The following ITGA1 variants were observed in gnomAD, a reference collection of about 807,000 sequenced individuals.
ITGA1 encodes integrin alpha-1.
Under a neutral mutation model 145.9 loss-of-function variants are expected in ITGA1, and 85 were observed. The ratio of observed to expected loss-of-function variants is 0.58; its 90% CI spans 0.49 to 0.70. The LOEUF (loss-of-function observed/expected upper bound fraction) is 0.70, where lower values mean the gene tolerates loss of function less well. Ranked by LOEUF, ITGA1 falls within the 30% of genes least tolerant of loss-of-function variation. The probability of loss-of-function intolerance (pLI) is 0.00; values close to 1 mark genes in which losing one functional copy is unlikely to be tolerated. For synonymous variants in ITGA1, 520 were observed against 495.3 expected (o/e 1.05, Z -0.66); for missense variants, 1,351 against 1,418.7 (o/e 0.95, Z 0.77).
At chr5:52,911,523 A>ATAGTAGATACACTATATATAGTATATG (rs1561246262) in intron 14 of ITGA1, among the ~76,000 whole-genome samples, 2 of 98,208 alleles carry the variant, frequency 2.0e-5, no homozygotes, top group Non-Finnish European at 4.0e-5. Flanking sequence ...TATAGTATAT[A>ATAGTAGATACACTATATATAGTATATG]TATCTATATA....
intron 26 of ITGA1, among the ~76,000 whole-genome samples, chr5:52,943,859 AC>A: frequency 6.6e-6 from 1 of 152,130 alleles, no homozygotes; most frequent in South Asian, 2.1e-4. Flanking sequence ...TCTCCAGGAC[AC>A]CCCGCAGCTC....
intron 2 of ITGA1, among the ~76,000 whole-genome samples, chr5:52,851,404 C>T (rs367904402): frequency 7.2e-5 from 11 of 152,128 alleles, no homozygotes; most frequent in Admixed American, 5.2e-4. Context: ...GAGATTTCCA[C>T]CCTCTAAATT....
At chr5:52,885,848 A>G (rs1750037881) in intron 7 of ITGA1, among the ~76,000 whole-genome samples, 1 of 152,188 alleles carries the variant, frequency 6.6e-6, no homozygotes, top group Non-Finnish European at 1.5e-5. Flanking sequence ...AGTTAGTTGC[A>G]GTTTCTAATT....
At chr5:52,876,422 C>T (rs1423071299) in intron 6 of ITGA1, among the ~76,000 whole-genome samples, 1 of 152,156 alleles carries the variant, frequency 6.6e-6, no homozygotes, top group East Asian at 1.9e-4. Context: ...AGACTCACAG[C>T]ACACCTTACT....
At chr5:52,940,568 C>T (rs951537518) in intron 26 of ITGA1, among the ~76,000 whole-genome samples, 2 of 151,896 alleles carry the variant, frequency 1.3e-5, no homozygotes, top group East Asian at 1.9e-4. Flanking sequence ...ACCACCACGC[C>T]CGGCTAATTT....
chr5:52,801,666 G>A, intron 1 of ITGA1: 1 of 1,614,160 alleles, frequency 6.2e-7, no homozygotes, highest in Non-Finnish European at 8.5e-7. Flanking sequence ...CACGGAGCCG[G>A]TATGTGAGGC....
chr5:52,801,723 T>C, intron 1 of ITGA1: 2 of 1,612,684 alleles, frequency 1.2e-6, no homozygotes, highest in Non-Finnish European at 1.7e-6. Flanking sequence ...GGATATTCTC[T>C]AGTCTTCACG....
intron 6 of ITGA1, among the ~76,000 whole-genome samples, chr5:52,874,441 A>G (rs1749834188): frequency 7.2e-6 from 1 of 138,804 alleles, no homozygotes; most frequent in African/African-American, 2.6e-5. Context: ...TAGCAGAAAC[A>G]TAGCTACTTT....
In ITGA1 at chr5:52,918,843, T is replaced by C; in HGVS notation, c.2100T>C (p.Ala700=). 1 of 1,611,268 alleles carries C rather than the reference T, an allele frequency of 6.2e-7. No individual in the cohort carries two copies. The highest frequency in any genetic ancestry group is 1.3e-5 in the African/African-American group (1 of 74,948). The change falls in exon 16 of 29, where the codon GCT becomes GCC. Residue 700 remains alanine, a synonymous_variant. Transcript: ENST00000282588. ...GAAAGGAAACAGTATGCATAAATGC[T>C]ACAGTGTGTTTTGATGTGAAATTAA... is the stretch of plus-strand genomic sequence containing the variant. ...MEGKETVCIN[A]TVCFDVKLKS...
intron 1 of ITGA1, among the ~76,000 whole-genome samples, chr5:52,819,354 T>A (rs1396200526): frequency 6.6e-6 from 1 of 152,214 alleles, no homozygotes; most frequent in Non-Finnish European, 1.5e-5. Flanking sequence ...TGGTGTCAGA[T>A]GGTATCTCAT....
At position 52,881,886 on chromosome 5, in the gene ITGA1, A is replaced by G. The variant is rs1749966015; in HGVS notation, c.638A>G (p.Gln213Arg). The stretch of plus-strand genomic sequence containing the variant: ...TTGGTATTTCAGGTTGGAATTGTAC[A>G]GTATGGAGAAAACGTGACCCATGAG... ...GPKQTQVGIV[Q>R]YGENVTHEFN... Residue 213 changes from glutamine to arginine, a missense_variant, in exon 7 of 29, where the codon CAG becomes CGG. Coordinates refer to ENST00000282588, the MANE Select transcript of ITGA1 (RefSeq NM_181501.2). The G allele has an allele frequency of 1.9e-6, 3 of 1,612,898 alleles. No homozygotes were observed. The highest frequency in any genetic ancestry group is 2.5e-6 in the Non-Finnish European group (3 of 1,179,546).
rs73102267 is a variant in ITGA1 at position 52,850,511 on chromosome 5, G to T, written c.182+1026G>T. ...TAGTAGCTGTAATAATAAGCAAAAA[G>T]AGATTTATATCTACTTGGATAATAA... On this transcript the variant is annotated intron_variant, in intron 2 of 28. Transcript: ENST00000282588. Among the ~76,000 whole-genome samples the T allele has an allele frequency of 6.1e-3, 921 of 152,158 alleles. 4 individuals carry two copies. Among genetic ancestry groups the T allele is most frequent in the African/African-American group, 0.021 (861 of 41,514 alleles).
chr5:52,866,961 T>C (rs986568360), intron 6 of ITGA1: 1 of 151,300 alleles, frequency 6.6e-6, no homozygotes, highest in Non-Finnish European at 1.5e-5. Flanking sequence ...TTGGAGGCTG[T>C]AGAGAGCATA....
At chr5:52,892,820 TG>T (rs1438064046) in intron 8 of ITGA1, among the ~76,000 whole-genome samples, 2 of 151,808 alleles carry the variant, frequency 1.3e-5, no homozygotes, top group African/African-American at 4.8e-5. Context: ...TATCGGTGGT[TG>T]CCAGGGTTGA....
chr5:52,821,203 A>G (rs1472422827), intron 1 of ITGA1, among the ~76,000 whole-genome samples: 2 of 152,202 alleles, frequency 1.3e-5, no homozygotes, highest in Admixed American at 1.3e-4. Flanking sequence ...ATTCAATAGC[A>G]TTAAGATTAA....
intron 26 of ITGA1, among the ~76,000 whole-genome samples, chr5:52,943,443 GTGT>G (rs938838461): frequency 3.9e-5 from 6 of 152,168 alleles, no homozygotes; most frequent in Non-Finnish European, 7.3e-5. Context: ...GTAATTTTTG[GTGT>G]TGTTGTTTGA....
intron 6 of ITGA1, among the ~76,000 whole-genome samples, chr5:52,878,854 T>C (rs1749910168): frequency 6.6e-6 from 1 of 151,280 alleles, no homozygotes; most frequent in African/African-American, 2.4e-5. Flanking sequence ...TTAACCCGAG[T>C]TGGAAGTTAG....
intron 3 of ITGA1, 42 bp downstream of exon 3, chr5:52,861,601 T>C (rs1250180888): frequency 8.6e-7 from 1 of 1,162,526 alleles, no homozygotes; most frequent in Non-Finnish European, 1.3e-6. Context: ...CCAGGTGCGG[T>C]GAGTCACGCC....
At position 52,788,334 on chromosome 5, in the gene ITGA1, G is replaced by A. The variant is rs1042476982; in HGVS notation, c.-20G>A. 6 of 1,496,044 alleles carry A rather than the reference G, an allele frequency of 4.0e-6. No individual in the cohort carries two copies. In the African/African-American group the frequency reaches 5.8e-5, roughly 15 times the overall value. 92.7% of individuals were successfully genotyped at this position (1,496,044 alleles called of 1,614,324 possible). A position where few individuals can be genotyped will look rare whatever the true frequency, so the allele number is the denominator to read the frequency against. On this transcript the variant is annotated 5_prime_UTR_variant, in exon 1 of 29. Transcript: ENST00000282588. ...CCCTGCGAACCAGCGCGGCCCCCTG[G>A]CGCTGAGGCTGCTCCGGCCATGGCC...
Sources: gnomAD v4.1 joint callset for allele counts (sites outside exome capture counted in the v4.1 genomes callset) on GRCh38, gnomAD v4.1.1 for gene constraint, MANE v1.5 for transcripts, NCBI Gene and HGNC (gene_info 2026-07-23, HGNC 2026-07-21) for gene names.